DUSP22: variants seen among roughly 807,000 people sequenced by gnomAD.
The protein encoded by DUSP22 is dual specificity protein phosphatase 22.
A neutral mutation model predicts 24.5 loss-of-function variants in DUSP22; 24 were observed. The ratio of observed to expected loss-of-function variants is 0.98; its 90% CI spans 0.71 to 1.38. The LOEUF (loss-of-function observed/expected upper bound fraction) is 1.38. Among genes scored for constraint, DUSP22 ranks in the 40% most tolerant of loss-of-function variants. The pLI, the probability that DUSP22 is intolerant of heterozygous loss-of-function variation, is 0.00. For missense variants in DUSP22, 330 were observed against 269.2 expected (o/e 1.23, Z -1.58); for synonymous variants, 160 against 106.4 (o/e 1.50, Z -3.10).
At chr6:294,860 G>A (rs1294421685) in intron 1 of DUSP22, among the ~76,000 whole-genome samples, 2 of 152,296 alleles carry the variant, frequency 1.3e-5, no homozygotes, top group Non-Finnish European at 2.9e-5. Context: ...TCAGAAAAGT[G>A]GGGAAAGCAG....
At chr6:303,599 A>T (rs1214720168) in intron 1 of DUSP22, among the ~76,000 whole-genome samples, 2 of 152,308 alleles carry the variant, frequency 1.3e-5, no homozygotes, top group African/African-American at 4.8e-5. Flanking sequence ...AGTGGGGGCG[A>T]GGCTAGGACA....
At chr6:337,712 C>T (rs990071649) in intron 4 of DUSP22, among the ~76,000 whole-genome samples, 33 of 152,414 alleles carry the variant, frequency 2.2e-4, no homozygotes, top group East Asian at 1.9e-4. Flanking sequence ...GGACTTTTAG[C>T]GCATCCGTCA....
chr6:341,700 G>A (rs1328721422), intron 4 of DUSP22, among the ~76,000 whole-genome samples: 1 of 152,306 alleles, frequency 6.6e-6, no homozygotes, highest in Non-Finnish European at 1.5e-5. Flanking sequence ...CAAGGGCTAC[G>A]CAGCCCAGGC....
intron 3 of DUSP22, among the ~76,000 whole-genome samples, chr6:318,277 G>C (rs1480181012): frequency 6.6e-6 from 1 of 152,312 alleles, no homozygotes; most frequent in African/African-American, 2.4e-5. Flanking sequence ...GTCAATTAAA[G>C]GAGGATTTGC....
chr6:301,598 A>T (rs534890995), intron 1 of DUSP22, among the ~76,000 whole-genome samples: 4 of 152,308 alleles, frequency 2.6e-5, no homozygotes, highest in Non-Finnish European at 5.9e-5. Context: ...TTACTACTGT[A>T]ACCCCTGTGT....
At chr6:299,686 A>G (rs1443256541) in intron 1 of DUSP22, among the ~76,000 whole-genome samples, 1 of 152,304 alleles carries the variant, frequency 6.6e-6, no homozygotes, top group East Asian at 1.9e-4. Context: ...AATATTTAAA[A>G]TGTATGTAAA....
At chr6:338,312 T>C (rs1166528291) in intron 4 of DUSP22, among the ~76,000 whole-genome samples, 1 of 152,306 alleles carries the variant, frequency 6.6e-6, no homozygotes, top group Non-Finnish European at 1.5e-5. Context: ...GGCGATGAAA[T>C]AGCTTGAGTT....
chr6:345,754 T>C, intron 4 of DUSP22, 100 bp from the exon 5 acceptor site: 1 of 1,431,110 alleles, frequency 7.0e-7, no homozygotes, highest in Non-Finnish European at 9.5e-7. Context: ...TACAAAAAAA[T>C]CAATTAACAT....
At chr6:297,502 C>G (rs1320732582) in intron 1 of DUSP22, among the ~76,000 whole-genome samples, 4 of 152,422 alleles carry the variant, frequency 2.6e-5, no homozygotes, top group Non-Finnish European at 5.9e-5. Flanking sequence ...ACGGCTACAC[C>G]TGTAGACATT....
intron 4 of DUSP22, among the ~76,000 whole-genome samples, chr6:343,922 G>A (rs1320442777): frequency 6.6e-6 from 1 of 152,306 alleles, no homozygotes; most frequent in African/African-American, 2.4e-5. Flanking sequence ...CTCAGTCAGT[G>A]TTTAAAGAGA....
intron 3 of DUSP22, among the ~76,000 whole-genome samples, chr6:324,383 C>T (rs1758751174): frequency 6.6e-6 from 1 of 152,312 alleles, no homozygotes; most frequent in Admixed American, 6.5e-5. Context: ...CACGCTCTCC[C>T]ACCCACACCT....
rs1020810201 is a variant in DUSP22 at position 298,130 on chromosome 6, C to T, written c.21+5570C>T. Among the ~76,000 whole-genome samples, 11 of 152,420 alleles carry T rather than the reference C, an allele frequency of 7.2e-5. No individual in the cohort carries two copies. The East Asian group carries it at 1.9e-3, about 27-fold the overall frequency. ...CTACACCACCCCCCGAGGGCTCTCT[C>T]TTTTCTCCATTTAATATTACATTTT... On this transcript the variant is annotated intron_variant, in intron 1 of 6. Transcript: ENST00000419235.
chr6:292,718 G>C (rs928576157), intron 1 of DUSP22, among the ~76,000 whole-genome samples, 158 bp downstream of exon 1: 51 of 152,374 alleles, frequency 3.3e-4, no homozygotes, highest in Non-Finnish European at 5.3e-4. Flanking sequence ...CGACCGCGGA[G>C]TCGGGGTTCG....
intron 1 of DUSP22, among the ~76,000 whole-genome samples, chr6:296,002 A>G (rs1422964148): frequency 1.4e-5 from 2 of 146,818 alleles, no homozygotes; most frequent in African/African-American, 2.4e-5. Context: ...TTTTGAAGAT[A>G]GGAAAAGTCT....
In DUSP22 at chr6:349,960, C is replaced by T; in HGVS notation, c.*1009C>T. On this transcript the variant is annotated 3_prime_UTR_variant, in exon 7 of 7. Coordinates refer to ENST00000419235, the MANE Select transcript of DUSP22 (RefSeq NM_001286555.3). ...TCACTTTGCAGGGGCTCCTCCTCAA[C>T]ATTTGCATGCACCTGCAAGAATTGG... The T allele has an allele frequency of 5.1e-6, 5 of 985,784 alleles. No individual in the cohort carries two copies. Among genetic ancestry groups the T allele is most frequent in the South Asian group, 4.7e-5 (1 of 21,298 alleles). The allele number at this position is 985,784 out of a possible 1,614,324, so 61.1% of individuals were successfully genotyped here. A position where few individuals can be genotyped will look rare whatever the true frequency, so the allele number is the denominator to read the frequency against.
At chr6:301,488 G>A (rs1332530028) in intron 1 of DUSP22, among the ~76,000 whole-genome samples, 3 of 152,296 alleles carry the variant, frequency 2.0e-5, no homozygotes, top group African/African-American at 7.2e-5. Flanking sequence ...GATTTTTTAA[G>A]TAAAAGGGTT....
chr6:322,155 A>G (rs1446449997), intron 3 of DUSP22, among the ~76,000 whole-genome samples: 1 of 152,306 alleles, frequency 6.6e-6, no homozygotes, highest in African/African-American at 2.4e-5. Context: ...TAGTGTATAC[A>G]TATCATCTAC....
chr6:295,878 C>T (rs1041644627), intron 1 of DUSP22, among the ~76,000 whole-genome samples: 28 of 151,888 alleles, frequency 1.8e-4, no homozygotes, highest in Non-Finnish European at 3.4e-4. Context: ...CTCAGCCTCA[C>T]GGTAGCCCTA....
intron 3 of DUSP22, among the ~76,000 whole-genome samples, chr6:327,113 C>T (rs563040903): frequency 1.3e-5 from 2 of 152,424 alleles, no homozygotes; most frequent in Admixed American, 1.3e-4. Context: ...CCCTAGTTCA[C>T]CCACCCTGGG....
Sources: allele counts gnomAD v4.1 joint callset (sites outside exome capture counted in the v4.1 genomes callset), GRCh38; gene constraint gnomAD v4.1.1; transcripts MANE v1.5; gene names NCBI Gene and HGNC (gene_info 2026-07-23, HGNC 2026-07-21).